Variants in ATP9A observed in about 807,000 individuals in gnomAD.
ATP9A encodes probable phospholipid-transporting ATPase IIA.
A neutral mutation model predicts 144.1 loss-of-function variants in ATP9A; 52 were observed. The observed-to-expected ratio is 0.36, with a 90% confidence interval of 0.29 to 0.45. The LOEUF (loss-of-function observed/expected upper bound fraction) is 0.45, where lower values mean the gene tolerates loss of function less well. Among genes scored for constraint, ATP9A ranks in the 20% least tolerant of loss-of-function variants. The pLI, the probability that ATP9A is intolerant of heterozygous loss-of-function variation, is 1.00. For missense variants in ATP9A, 947 were observed against 1,392.7 expected (o/e 0.68, Z 5.09); for synonymous variants, 582 against 557.4 (o/e 1.04, Z -0.62).
chr20:51,625,644 G>T (rs2077245456), intron 17 of ATP9A, among the ~76,000 whole-genome samples: 1 of 152,168 alleles, frequency 6.6e-6, no homozygotes. Flanking sequence ...CCACGAAATG[G>T]CAATAACAGC....
intron 13 of ATP9A, among the ~76,000 whole-genome samples, chr20:51,658,513 TTCC>T (rs2077396562): frequency 8.4e-6 from 1 of 119,746 alleles, no homozygotes; most frequent in African/African-American, 2.9e-5. Context: ...CCACCTATGC[TTCC>T]TTTTTTTTTT....
intron 14 of ATP9A, among the ~76,000 whole-genome samples, chr20:51,648,617 G>A (rs1417967851): frequency 1.3e-5 from 2 of 152,186 alleles, no homozygotes; most frequent in East Asian, 3.9e-4. Flanking sequence ...AGTTGCTTGA[G>A]TTTGGAGTTT....
At chr20:51,638,077 A>T (rs1158312052) in intron 15 of ATP9A, among the ~76,000 whole-genome samples, 1 of 14,990 alleles carries the variant, frequency 6.7e-5, no homozygotes, top group Non-Finnish European at 1.2e-4. Flanking sequence ...CATTTTATAT[A>T]TATATATATA....
chr20:51,676,125 T>TA lies in ATP9A; in HGVS notation c.876+6dup. The TA allele has an allele frequency of 6.2e-7, 1 of 1,610,144 alleles. No homozygotes were observed. Among genetic ancestry groups the TA allele is most frequent in the South Asian group, 1.1e-5 (1 of 90,400 alleles). ...CCGGTCAATGTACCCCATGACCTCG[T>TA]ACACACCTTACTTCGGGGATTTGAG... On this transcript the variant is annotated splice_region_variant and intron_variant, in intron 10 of 27. Transcript: ENST00000338821.
At chr20:51,752,551 A>G (rs2077837035) in intron 1 of ATP9A, among the ~76,000 whole-genome samples, 1 of 152,230 alleles carries the variant, frequency 6.6e-6, no homozygotes, top group Admixed American at 6.6e-5. Flanking sequence ...AACCTCTGTT[A>G]ACTTTTCTGT....
intron 7 of ATP9A, 87 bp downstream of exon 7, chr20:51,693,921 A>G (rs1006900303): frequency 3.4e-6 from 4 of 1,186,010 alleles, no homozygotes; most frequent in Admixed American, 4.1e-5. Flanking sequence ...ACAAGTTGCC[A>G]TCCCATGCCT....
intron 22 of ATP9A, among the ~76,000 whole-genome samples, chr20:51,615,630 G>C (rs893031364): frequency 2.0e-5 from 3 of 152,214 alleles, no homozygotes; most frequent in Middle Eastern, 3.4e-3. Flanking sequence ...TTTACTTCTA[G>C]ATTCTTTTAT....
In ATP9A at chr20:51,695,513, TGGGCA is replaced by T. The variant is rs2077567228; in HGVS notation, c.547+575_547+579del. ...AGGCAATTTTAGTAGACTCATAGGG[TGGGCA>T]GGCAATGACAGCTGCCACCCTAGGG... On this transcript the variant is annotated intron_variant, in intron 6 of 27. Coordinates refer to ENST00000338821, the MANE Select transcript of ATP9A (RefSeq NM_006045.3). Among the ~76,000 whole-genome samples the T allele has an allele frequency of 4.9e-5, 7 of 143,638 alleles. No individual in the cohort carries two copies. The Admixed American group carries it at 4.9e-4, about 10-fold the overall frequency. The allele number at this position is 143,638 out of a possible 152,430, so 94.2% of individuals were successfully genotyped here.
chr20:51,613,452 C>T (rs1463438018), intron 23 of ATP9A, among the ~76,000 whole-genome samples: 1 of 152,218 alleles, frequency 6.6e-6, no homozygotes. Flanking sequence ...ATCTTGAGCA[C>T]CAAGAAGTTC....
intron 1 of ATP9A, among the ~76,000 whole-genome samples, chr20:51,765,231 A>G (rs1158777713): frequency 1.3e-5 from 2 of 152,166 alleles, no homozygotes; most frequent in African/African-American, 4.8e-5. Flanking sequence ...GTGCTTCTCA[A>G]GAGTTTCTAA....
At chr20:51,767,258 C>T (rs2077908846) in intron 1 of ATP9A, among the ~76,000 whole-genome samples, 1 of 152,138 alleles carries the variant, frequency 6.6e-6, no homozygotes, top group African/African-American at 2.4e-5. Context: ...CCGCCCAACA[C>T]CGCGCTCAGC....
At chr20:51,605,082 C>G in intron 26 of ATP9A, 62 bp from the exon 27 acceptor site, 2 of 1,402,300 alleles carry the variant, frequency 1.4e-6, no homozygotes, top group Non-Finnish European at 1.9e-6. Flanking sequence ...CGCTGCTCGC[C>G]TACACCTGGC....
intron 3 of ATP9A, among the ~76,000 whole-genome samples, chr20:51,715,343 A>AC (rs1457041226): frequency 2.6e-5 from 4 of 152,288 alleles, no homozygotes; most frequent in African/African-American, 9.6e-5. Flanking sequence ...TCAAAGCATA[A>AC]CCAGACCACA....
intron 13 of ATP9A, 82 bp from the exon 14 acceptor site, chr20:51,657,232 G>A (rs1315791635): frequency 2.7e-5 from 32 of 1,206,340 alleles, no homozygotes; most frequent in Non-Finnish European, 8.3e-6. Context: ...TGCAGCTATT[G>A]TTTCTTTTTT....
chr20:51,749,053 AC>A (rs2077820605), intron 1 of ATP9A, among the ~76,000 whole-genome samples: 1 of 152,192 alleles, frequency 6.6e-6, no homozygotes, highest in African/African-American at 2.4e-5. Context: ...ATTTAATACT[AC>A]AAAGGCATTA....
chr20:51,679,376 A>G (rs1258222195), intron 9 of ATP9A, among the ~76,000 whole-genome samples: 3 of 152,160 alleles, frequency 2.0e-5, no homozygotes, highest in Non-Finnish European at 4.4e-5. Context: ...GAAGTGTGGA[A>G]GATCTGATGA....
At chr20:51,727,415 A>T (rs1258198115) in intron 2 of ATP9A, among the ~76,000 whole-genome samples, 2 of 151,890 alleles carry the variant, frequency 1.3e-5, no homozygotes, top group Non-Finnish European at 2.9e-5. Flanking sequence ...GTAAAACCCC[A>T]TCACTACAAA....
At chr20:51,605,090 G>A in intron 26 of ATP9A, 70 bp from the exon 27 acceptor site, 2 of 1,364,854 alleles carry the variant, frequency 1.5e-6, no homozygotes, top group Non-Finnish European at 1.9e-6. Context: ...GCCTACACCT[G>A]GCTCCTTTCC....
intron 12 of ATP9A, among the ~76,000 whole-genome samples, chr20:51,670,863 A>G (rs761377): frequency 0.48 from 73,637 of 151,854 alleles, 18,655 homozygotes; most frequent in East Asian, 0.78. Flanking sequence ...GGACAGAAAC[A>G]CTACCTAACT....
Sources: allele counts gnomAD v4.1 joint callset (sites outside exome capture counted in the v4.1 genomes callset), GRCh38; gene constraint gnomAD v4.1.1; transcripts MANE v1.5; gene names NCBI Gene and HGNC (gene_info 2026-07-23, HGNC 2026-07-21).